Variants in ETV5 observed in about 807,000 individuals in gnomAD.
ETV5 encodes ETS variant transcription factor 5.
In ETV5, 10 loss-of-function variants were observed where a neutral mutation model predicts 70.0. That is an observed-to-expected ratio of 0.14 (90% CI 0.09 to 0.24). The LOEUF (loss-of-function observed/expected upper bound fraction) is 0.24, where lower values mean the gene tolerates loss of function less well. ETV5 is among the 10% of genes least tolerant of loss of function. The pLI is 1.00. For synonymous variants in ETV5, 216 were observed against 242.2 expected (o/e 0.89, Z 1.01); for missense variants, 453 against 651.2 (o/e 0.70, Z 3.31).
intron 9 of ETV5, among the ~76,000 whole-genome samples, chr3:186,060,933 G>C (rs1713288089): frequency 6.6e-6 from 1 of 152,148 alleles, no homozygotes. Context: ...TGCTTCTGTA[G>C]AAACATTCAG....
intron 7 of ETV5, among the ~76,000 whole-genome samples, chr3:186,067,338 A>C (rs760637228): frequency 1.2e-4 from 19 of 152,266 alleles, no homozygotes; most frequent in Non-Finnish European, 2.4e-4. Flanking sequence ...AGGCTGAGGC[A>C]GAAGAATCGC....
At position 186,057,597 on chromosome 3, in the gene ETV5, A is replaced by G; in HGVS notation, c.971-106T>C. 2 of 956,328 alleles carry G rather than the reference A, an allele frequency of 2.1e-6. No individual in the cohort carries two copies. The highest frequency in any genetic ancestry group is 3.4e-6 in the Non-Finnish European group (2 of 593,386). The allele number at this position is 956,328 out of a possible 1,614,324, so 59.2% of individuals were successfully genotyped here. On this transcript the variant is annotated intron_variant, in intron 9 of 12. Transcript: ENST00000306376. The surrounding 1 kb of genome is among the most constrained non-coding windows in gnomAD (Gnocchi z 4.9). Reference sequence around the variant, plus strand: ...TGCAATCCTATCATTTCAGATCCTAAGTCCTACTGCTGTATCTATGGCAGA... The same window carrying G: ...TGCAATCCTATCATTTCAGATCCTAGGTCCTACTGCTGTATCTATGGCAGA...
intron 7 of ETV5, among the ~76,000 whole-genome samples, chr3:186,079,514 G>GA (rs1713878626): frequency 6.6e-6 from 1 of 152,160 alleles, no homozygotes; most frequent in African/African-American, 2.4e-5. Flanking sequence ...CTCAGTGAGG[G>GA]ACAAGACTAT....
At chr3:186,093,116 C>G (rs1459783473) in intron 5 of ETV5, among the ~76,000 whole-genome samples, 2 of 152,156 alleles carry the variant, frequency 1.3e-5, no homozygotes, top group African/African-American at 4.8e-5. Context: ...TCCAGCATAT[C>G]AGCAATTCCA....
At chr3:186,076,125 T>G (rs574246303) in intron 7 of ETV5, among the ~76,000 whole-genome samples, 11 of 152,310 alleles carry the variant, frequency 7.2e-5, no homozygotes, top group African/African-American at 2.6e-4. Flanking sequence ...GTGGCACATG[T>G]CTGAACATGT....
At chr3:186,079,773 G>A (rs1220607050) in intron 7 of ETV5, 44 bp downstream of exon 7, 1 of 1,568,902 alleles carries the variant, frequency 6.4e-7, no homozygotes, top group Non-Finnish European at 8.6e-7. Flanking sequence ...GAAAGGATAG[G>A]AGTGAGGGAG....
Position 186,057,349 on chromosome 3 carries a change from A to AATCACT in ETV5, c.1039+73_1039+74insAGTGAT. 1 of 1,605,794 alleles carries AATCACT rather than the reference A, an allele frequency of 6.2e-7. No individual in the cohort carries two copies. Among genetic ancestry groups the AATCACT allele is most frequent in the Non-Finnish European group, 8.5e-7 (1 of 1,172,822 alleles). On this transcript the variant is annotated intron_variant, in intron 10 of 12. Transcript: ENST00000306376. The surrounding 1 kb of genome is among the most constrained non-coding windows in gnomAD (Gnocchi z 4.9). ...GCTGATTTAATCACTGGACTTGGGA[A>AATCACT]GAGAGTCATGGCTGAGGTGTTCTGA...
intron 5 of ETV5, among the ~76,000 whole-genome samples, chr3:186,096,654 C>T (rs1249500440): frequency 1.3e-5 from 2 of 152,100 alleles, no homozygotes; most frequent in Non-Finnish European, 2.9e-5. Context: ...TGAGGCAAAA[C>T]ACAAGTGCAA....
At chr3:186,100,708 G>T (rs1451360320) in intron 5 of ETV5, among the ~76,000 whole-genome samples, 1 of 152,088 alleles carries the variant, frequency 6.6e-6, no homozygotes, top group East Asian at 1.9e-4. Flanking sequence ...GATCTAAAAA[G>T]AACACTTCAA....
chr3:186,096,779 T>C lies in ETV5; in HGVS notation c.232+8526A>G, dbSNP rs116756606. Among the ~76,000 whole-genome samples the C allele has an allele frequency of 7.1e-3, 1,088 of 152,252 alleles. 7 individuals carry two copies. Among genetic ancestry groups the C allele is most frequent in the African/African-American group, 0.025 (1,042 of 41,526 alleles). ...AAGTTTTGTTTTGCCTTTTAACTGATTGTCCTTTTTATGCTCATCATACAT... is the reference window on the plus strand; with the variant it reads ...AAGTTTTGTTTTGCCTTTTAACTGACTGTCCTTTTTATGCTCATCATACAT... On this transcript the variant is annotated intron_variant, in intron 5 of 12. Coordinates refer to ENST00000306376, the MANE Select transcript of ETV5 (RefSeq NM_004454.3).
In ETV5 at chr3:186,105,401, G is replaced by A. The variant is rs1255827372; in HGVS notation, c.182-46C>T. 6.2e-7 allele frequency: 1 copy of A among 1,611,556 alleles called. No individual in the cohort carries two copies. Among genetic ancestry groups the A allele is most frequent in the South Asian group, 1.1e-5 (1 of 90,558 alleles). ...TTAGACCTTTAAGTTTTATTAAAAA[G>A]CACAGTAAAATGTTTTATATGGAAA... On this transcript the variant is annotated intron_variant, in intron 4 of 12. Coordinates refer to ENST00000306376, the MANE Select transcript of ETV5 (RefSeq NM_004454.3). This position sits in a 1 kb window ranked among gnomAD's most constrained non-coding sequence, Gnocchi z 4.5.
intron 5 of ETV5, among the ~76,000 whole-genome samples, chr3:186,100,047 T>G (rs1475361048): frequency 1.3e-5 from 2 of 152,204 alleles, no homozygotes; most frequent in African/African-American, 2.4e-5. Flanking sequence ...AGGTCTTGGG[T>G]CCTTCAGAAT....
chr3:186,065,744 A>G (rs113256818), intron 8 of ETV5, 69 bp downstream of exon 8: 1 of 1,599,254 alleles, frequency 6.3e-7, no homozygotes. Flanking sequence ...CCCTGCATGT[A>G]TAAGACACTG....
At chr3:186,087,352 C>A (rs1029294721) in intron 5 of ETV5, among the ~76,000 whole-genome samples, 1 of 152,148 alleles carries the variant, frequency 6.6e-6, no homozygotes, top group Admixed American at 6.5e-5. Flanking sequence ...CGGGGTGGTG[C>A]CTGTTAAGGG....
rs1712933918 is a variant in ETV5, at chr3:186,048,414, G to GT, written c.*224dup. 1.8e-6 allele frequency: 1 copy of GT among 564,826 alleles called. No homozygotes were observed. Among genetic ancestry groups the GT allele is most frequent in the African/African-American group, 1.9e-5 (1 of 53,466 alleles). 35.0% of individuals were successfully genotyped at this position (564,826 alleles called of 1,614,324 possible). On this transcript the variant is annotated 3_prime_UTR_variant, in exon 13 of 13. Coordinates refer to ENST00000306376, the MANE Select transcript of ETV5 (RefSeq NM_004454.3). Reference sequence around the variant, plus strand: ...CCCAGAAACCTCATCAGAATCAAGAGTTGAGGCACTGGCCTTTTGGTGGTT... The same window carrying GT: ...CCCAGAAACCTCATCAGAATCAAGAGTTTGAGGCACTGGCCTTTTGGTGGTT...
chr3:186,058,160 G>A lies in ETV5; in HGVS notation c.971-669C>T, dbSNP rs1353829335. ...AACTGGCCCAACAACACATGCAAACGAAATAAAAGAAGGCAAGGCAAAAAG... is the reference window on the plus strand; with the variant it reads ...AACTGGCCCAACAACACATGCAAACAAAATAAAAGAAGGCAAGGCAAAAAG... On this transcript the variant is annotated intron_variant, in intron 9 of 12. Coordinates refer to ENST00000306376, the MANE Select transcript of ETV5 (RefSeq NM_004454.3). 4.0e-5 allele frequency among the ~76,000 whole-genome samples: 6 copies of A among 151,058 alleles called. No homozygotes were observed. The South Asian group carries it at 6.3e-4, about 16-fold the overall frequency.
Position 186,048,575 on chromosome 3 carries a change from T to C in ETV5, c.*64A>G. ...CAACCAAAAACACAAACAAAACCAC[T>C]GCCCTTGTTTGCCTGAATGGGAACT... is the stretch of plus-strand genomic sequence containing the variant. On this transcript the variant is annotated 3_prime_UTR_variant, in exon 13 of 13. Coordinates refer to ENST00000306376, the MANE Select transcript of ETV5 (RefSeq NM_004454.3). The C allele has an allele frequency of 1.4e-6, 2 of 1,427,452 alleles. No individual in the cohort carries two copies. Among genetic ancestry groups the C allele is most frequent in the Non-Finnish European group, 2.0e-6 (2 of 1,015,498 alleles). The allele number at this position is 1,427,452 out of a possible 1,614,324, so 88.4% of individuals were successfully genotyped here. A position where few individuals can be genotyped will look rare whatever the true frequency, so the allele number is the denominator to read the frequency against.
Position 186,080,902 on chromosome 3 carries a change from C to G in ETV5, c.362+144G>C, listed in dbSNP as rs929543735. On this transcript the variant is annotated intron_variant, in intron 6 of 12. Transcript: ENST00000306376. Reference sequence around the variant, plus strand: ...GATCCCAAGGGGACTGGACTACACCCGGAGGATGACACTGCCATGAAAGAA... The same window carrying G: ...GATCCCAAGGGGACTGGACTACACCGGGAGGATGACACTGCCATGAAAGAA... 3 of 970,974 alleles carry G rather than the reference C, an allele frequency of 3.1e-6. No homozygotes were observed. In the African/African-American group the frequency reaches 4.9e-5, roughly 16 times the overall value. The allele number at this position is 970,974 out of a possible 1,614,324, so 60.1% of individuals were successfully genotyped here. A position where few individuals can be genotyped will look rare whatever the true frequency, so the allele number is the denominator to read the frequency against.
Position 186,047,649 on chromosome 3 carries a change from A to G in ETV5, c.*990T>C, listed in dbSNP as rs1712912355. 1 of 233,206 alleles carries G rather than the reference A, an allele frequency of 4.3e-6. No individual in the cohort carries two copies. The allele number at this position is 233,206 out of a possible 1,614,324, so 14.4% of individuals were successfully genotyped here. A position where few individuals can be genotyped will look rare whatever the true frequency, so the allele number is the denominator to read the frequency against. On this transcript the variant is annotated 3_prime_UTR_variant, in exon 13 of 13. Coordinates refer to ENST00000306376, the MANE Select transcript of ETV5 (RefSeq NM_004454.3). ...TTCCATCAGGTTGTCTGGTGCAGAAAGCACAAAGCAGGCAACAAGGCGGGC... is the reference window on the plus strand; with the variant it reads ...TTCCATCAGGTTGTCTGGTGCAGAAGGCACAAAGCAGGCAACAAGGCGGGC...
Sources: gnomAD v4.1 joint callset for allele counts (sites outside exome capture counted in the v4.1 genomes callset) on GRCh38, gnomAD v4.1.1 for gene constraint, Gnocchi (gnomAD v3.1) non-coding constraint, MANE v1.5 for transcripts, NCBI Gene and HGNC (gene_info 2026-07-23, HGNC 2026-07-21) for gene names.